The following CP variants were observed in gnomAD, a reference collection of about 807,000 sequenced individuals.
The protein encoded by CP is ceruloplasmin.
Under a neutral mutation model 122.4 loss-of-function variants are expected in CP, and 64 were observed. The observed-to-expected ratio is 0.52, with a 90% CI of 0.43 to 0.64. The LOEUF is 0.64. Among genes scored for constraint, CP ranks in the 30% least tolerant of loss-of-function variants. CP has a pLI of 0.00. For missense variants in CP, 1,167 were observed against 1,284.4 expected, an observed-to-expected ratio of 0.91 and a Z score of 1.40; for synonymous variants, 440 against 436.4, an observed-to-expected ratio of 1.01 and a Z score of -0.10.
intron 5 of CP, among the ~76,000 whole-genome samples, chr3:149,164,721 C>T (rs752353029): frequency 2.1e-4 from 32 of 152,192 alleles, no homozygotes; most frequent in Non-Finnish European, 4.0e-4. Flanking sequence ...CTCATTGCTT[C>T]TGACCTGAGG....
At chr3:149,170,599 T>A (rs574997142), downstream of CP, 1 of 152,356 alleles carries the variant, frequency 6.6e-6, no homozygotes, top group African/African-American at 2.4e-5. Flanking sequence ...AGTCTGGATC[T>A]CTTCCCAAGT....
chr3:149,212,368 G>A, intron 2 of CP, 83 bp downstream of exon 2: 1 of 1,478,554 alleles, frequency 6.8e-7, no homozygotes, highest in South Asian at 1.2e-5. Flanking sequence ...TCTTATCCAG[G>A]AGAGAAGTCC....
chr3:149,166,947 G>A, intron 4 of CP: 1 of 1,034,748 alleles, frequency 9.7e-7, no homozygotes, highest in Non-Finnish European at 1.5e-6. Context: ...GGCAAGTGAG[G>A]TTTAGTCTTA....
In CP at chr3:149,181,986, C is replaced by CGGGGGGGGGGG; in HGVS notation, c.2554+18_2554+19insCCCCCCCCCCC. 6.8e-6 allele frequency: 4 copies of CGGGGGGGGGGG among 586,866 alleles called. No individual in the cohort carries two copies. Among genetic ancestry groups the CGGGGGGGGGGG allele is most frequent in the Non-Finnish European group, 1.3e-5 (4 of 319,250 alleles). 36.4% of individuals were successfully genotyped at this position (586,866 alleles called of 1,614,324 possible). ...AGCCTGTTAAAATGCACCACCCCCA[C>CGGGGGGGGGGG]CCCCGCCCCCGTGAGTACCTGGTAA... On this transcript the variant is annotated intron_variant, in intron 14 of 18. Coordinates refer to ENST00000264613, the MANE Select transcript of CP (RefSeq NM_000096.4).
intron 9 of CP, among the ~76,000 whole-genome samples, chr3:149,189,561 A>G (rs1265665170): frequency 1.3e-5 from 2 of 152,056 alleles, no homozygotes; most frequent in Non-Finnish European, 2.9e-5. Context: ...CTCAAAAAAA[A>G]AAAAAAAAAG....
At chr3:149,195,807 A>C (rs1726862172) in intron 9 of CP, among the ~76,000 whole-genome samples, 1 of 151,386 alleles carries the variant, frequency 6.6e-6, no homozygotes, top group Non-Finnish European at 1.5e-5. Flanking sequence ...TGGGGCTTGC[A>C]GTGAGCTGAG....
In CP at chr3:149,212,619, T is replaced by G; in HGVS notation, c.226A>C (p.Thr76Pro). The G allele has an allele frequency of 6.2e-7, 1 of 1,614,072 alleles. No individual in the cohort carries two copies. Among genetic ancestry groups the G allele is most frequent in the Admixed American group, 1.7e-5 (1 of 60,020 alleles). The part of the protein sequence containing the change: ...LYKKALYLQY[T>P]DETFRTTIEK... ...ATAGTTGTCCTAAAGGTTTCATCTGTGTACTGAAGATAAAGGGCCTTCTTA... is the reference window on the plus strand; with the variant it reads ...ATAGTTGTCCTAAAGGTTTCATCTGGGTACTGAAGATAAAGGGCCTTCTTA... The change falls in exon 2 of 19, where the codon ACA becomes CCA. Residue 76 changes from threonine to proline, a missense_variant. This residue lies in a region of CP where 642 missense variants were observed against 627.3 expected (regional missense o/e 1.02). Transcript: ENST00000264613.
chr3:149,166,399 C>T (rs1232175518), intron 4 of CP, among the ~76,000 whole-genome samples: 1 of 152,074 alleles, frequency 6.6e-6, no homozygotes, highest in Non-Finnish European at 1.5e-5. Flanking sequence ...CTTTGTTGTC[C>T]CATCCTGTGT....
chr3:149,207,577 G>T lies in CP; in HGVS notation c.822C>A (p.Ser274=), dbSNP rs773701761. Residue 274 remains serine (S), a synonymous_variant, in exon 5 of 19, where the codon TCC becomes TCA. Transcript: ENST00000264613. ...ATTTTACTCTGTCTTCAGCACACAT[G>T]GAGAGTCCTGGGAGACTTCCAAAAG... The part of the protein sequence containing the change: ...GYTFGSLPGL[S]MCAEDRVKWY... 1 of 1,613,918 alleles carries T rather than the reference G, an allele frequency of 6.2e-7. No individual in the cohort carries two copies. The highest frequency in any genetic ancestry group is 1.7e-5 in the Admixed American group (1 of 60,006).
At chr3:149,201,993 A>G in intron 7 of CP, 109 bp downstream of exon 7, 2 of 1,389,560 alleles carry the variant, frequency 1.4e-6, no homozygotes, top group African/African-American at 1.4e-5. Flanking sequence ...CCACACGCCT[A>G]CTTAACACAT....
At chr3:149,171,384 G>A (rs528163343), downstream of CP, among the ~76,000 whole-genome samples, 2 of 152,130 alleles carry the variant, frequency 1.3e-5, no homozygotes, top group Admixed American at 6.5e-5. Context: ...GAAATGTTAC[G>A]TTAGGAACTA....
intron 9 of CP, among the ~76,000 whole-genome samples, chr3:149,190,031 A>G: frequency 6.6e-6 from 1 of 152,184 alleles, no homozygotes; most frequent in East Asian, 1.9e-4. Flanking sequence ...AGACTAAATA[A>G]AAATAAATCT....
At chr3:149,202,581 TTTG>T (rs891753397) in intron 6 of CP, among the ~76,000 whole-genome samples, 15 of 151,798 alleles carry the variant, frequency 9.9e-5, no homozygotes, top group Non-Finnish European at 1.5e-4. Context: ...TGGCTAGTTT[TTTG>T]TTGTTGTTGT....
chr3:149,181,975 CACCA>C, intron 14 of CP, 26 bp downstream of exon 14: 14 of 1,088,418 alleles, frequency 1.3e-5, no homozygotes, highest in East Asian at 3.2e-5. Context: ...TGTTAAAATG[CACCA>C]CCCCCACCCC....
intron 12 of CP, 104 bp downstream of exon 12, chr3:149,185,135 A>G: frequency 1.0e-6 from 1 of 987,904 alleles, no homozygotes; most frequent in Non-Finnish European, 1.6e-6. Flanking sequence ...GTTATTGTTT[A>G]ATGCAACTTT....
chr3:149,212,732 C>T, intron 1 of CP, 34 bp from the exon 2 acceptor site: 3 of 1,609,354 alleles, frequency 1.9e-6, no homozygotes, highest in Non-Finnish European at 2.5e-6. Flanking sequence ...CTATCAGAAG[C>T]CATCATTTCT....
Position 149,199,782 on chromosome 3 carries a change from C to G in CP, c.1431G>C (p.Pro477=), listed in dbSNP as rs763429281. Residue 477 remains proline, a synonymous_variant, in exon 8 of 19, where the codon CCG becomes CCC. Coordinates refer to ENST00000264613, the MANE Select transcript of CP (RefSeq NM_000096.4). ...NKGAYPLSIE[P]IGVRFNKNNE... ...TGTTCTTATTGAATCTCACCCCAATCGGCTCAATACTGAGGGGATATGCTC... is the reference window on the plus strand; with the variant it reads ...TGTTCTTATTGAATCTCACCCCAATGGGCTCAATACTGAGGGGATATGCTC... The G allele has an allele frequency of 1.2e-6, 2 of 1,614,014 alleles. No individual in the cohort carries two copies. Among genetic ancestry groups the G allele is most frequent in the African/African-American group, 1.3e-5 (1 of 74,922 alleles).
intron 1 of CP, chr3:149,217,813 A>G (rs2108314185): frequency 3.0e-6 from 1 of 328,860 alleles, no homozygotes; most frequent in South Asian, 2.5e-5. Flanking sequence ...CACTTATTGA[A>G]TACTTATTAT....
At position 149,185,372 on chromosome 3, in the gene CP, A is replaced by G. The variant is rs1272984636; in HGVS notation, c.2152T>C (p.Cys718Arg). ...GMKQKYTVNQ[C>R]RRQSEDSTFY... The stretch of plus-strand genomic sequence containing the variant: ...GTGGAATCCTCAGACTGCCGCCTGC[A>G]TTGGTTCACAGTATATTTTTGCTTC... Residue 718 changes from cysteine (C) to arginine (R), a missense_variant, in exon 12 of 19, where the codon TGC (cysteine) becomes CGC (arginine). By Grantham distance (180) the Cys-to-Arg change is radical (BLOSUM62 -3). Around this residue, in one of 2 missense-constraint regions of CP, gnomAD observed 525 missense variants for 657.2 expected, o/e 0.80. Transcript: ENST00000264613. 5 of 1,614,098 alleles carry G rather than the reference A, an allele frequency of 3.1e-6. No homozygotes were observed. The highest frequency in any genetic ancestry group is 4.2e-6 in the Non-Finnish European group (5 of 1,179,992).
Sources: allele counts gnomAD v4.1 joint callset (sites outside exome capture counted in the v4.1 genomes callset), GRCh38; gene constraint gnomAD v4.1.1; regional missense constraint gnomAD v4.1.1; transcripts MANE v1.5; gene names NCBI Gene and HGNC (gene_info 2026-07-23, HGNC 2026-07-21).